ESRRG: variants seen among roughly 807,000 people sequenced by gnomAD.
The protein encoded by ESRRG is estrogen related receptor gamma, also known as estrogen-related receptor gamma.
Under a neutral mutation model 44.0 loss-of-function variants are expected in ESRRG, and 13 were observed. The ratio of observed to expected loss-of-function variants is 0.30; its 90% confidence interval spans 0.19 to 0.47. The LOEUF (loss-of-function observed/expected upper bound fraction) is 0.47. ESRRG is among the 20% of genes least tolerant of loss of function. The pLI, the probability that ESRRG is intolerant of heterozygous loss-of-function variation, is 1.00. For missense variants in ESRRG, 395 were observed against 580.6 expected, an observed-to-expected ratio of 0.68 and a Z score of 3.29; for synonymous variants, 215 against 214.6, an observed-to-expected ratio of 1.00 and a Z score of -0.02.
At chr1:217,099,233 G>A (rs1280877331) in intron 1 of ESRRG, among the ~76,000 whole-genome samples, 1 of 152,106 alleles carries the variant, frequency 6.6e-6, no homozygotes, top group African/African-American at 2.4e-5. Flanking sequence ...GCAAATGAAG[G>A]CATCTTCTTC....
intron 6 of ESRRG, among the ~76,000 whole-genome samples, chr1:216,508,382 G>A (rs1307004434): frequency 6.6e-6 from 1 of 152,022 alleles, no homozygotes; most frequent in Admixed American, 6.5e-5. Context: ...TTTACATTAG[G>A]TAGTTTAATG....
intron 2 of ESRRG, among the ~76,000 whole-genome samples, chr1:216,889,145 G>A (rs543632233): frequency 7.2e-5 from 11 of 152,266 alleles, no homozygotes; most frequent in African/African-American, 2.6e-4. Context: ...GTTTCCCTGC[G>A]AATGTAATAA....
At chr1:216,771,745 T>C (rs1282047788) in intron 2 of ESRRG, among the ~76,000 whole-genome samples, 1 of 152,084 alleles carries the variant, frequency 6.6e-6, no homozygotes, top group African/African-American at 2.4e-5. Flanking sequence ...GTGGTATTAT[T>C]TTTCCTGTGA....
intron 1 of ESRRG, among the ~76,000 whole-genome samples, chr1:216,990,535 G>A (rs1240097322): frequency 2.0e-5 from 3 of 151,742 alleles, no homozygotes; most frequent in Non-Finnish European, 4.4e-5. Flanking sequence ...ACTTGTATGC[G>A]GATTTTCTCC....
chr1:216,952,962 T>G (rs1000192465), intron 1 of ESRRG, among the ~76,000 whole-genome samples: 1 of 152,114 alleles, frequency 6.6e-6, no homozygotes, highest in African/African-American at 2.4e-5. Flanking sequence ...TCACTCACAT[T>G]GGGCCACTTC....
At chr1:216,610,997 G>A (rs755210678) in intron 3 of ESRRG, among the ~76,000 whole-genome samples, 1 of 151,956 alleles carries the variant, frequency 6.6e-6, no homozygotes, top group African/African-American at 2.4e-5. Context: ...GAGGTCAGGA[G>A]TTCGAGACTA....
At chr1:216,652,074 C>T (rs1302566276) in intron 2 of ESRRG, among the ~76,000 whole-genome samples, 1 of 152,074 alleles carries the variant, frequency 6.6e-6, no homozygotes, top group Non-Finnish European at 1.5e-5. Flanking sequence ...TGATTAAGTG[C>T]ATTAGTATCT....
intron 3 of ESRRG, among the ~76,000 whole-genome samples, chr1:216,576,991 C>G (rs1470611537): frequency 6.6e-6 from 1 of 151,852 alleles, no homozygotes; most frequent in Non-Finnish European, 1.5e-5. Flanking sequence ...AAGCCTCGAA[C>G]CTTTTATTTC....
At chr1:216,759,047 T>G (rs1481676531) in intron 2 of ESRRG, among the ~76,000 whole-genome samples, 1 of 152,096 alleles carries the variant, frequency 6.6e-6, no homozygotes, top group Non-Finnish European at 1.5e-5. Flanking sequence ...TAACTGGCTT[T>G]GAAGCATATG....
Position 216,591,607 on chromosome 1 carries a change from T to C in ESRRG, c.590-23509A>G, listed in dbSNP as rs191655480. Among the ~76,000 whole-genome samples the C allele has an allele frequency of 7.9e-4, 121 of 152,336 alleles. 2 individuals carry two copies. The South Asian group carries it at 8.7e-3, about 11-fold the overall frequency. On this transcript the variant is annotated intron_variant, in intron 3 of 6. Coordinates refer to ENST00000408911, the MANE Select transcript of ESRRG (RefSeq NM_001438.4). The stretch of plus-strand genomic sequence containing the variant: ...AAATAAATAAAGCTCCTGGGAGACA[T>C]GGCTGACACTGAGGTTGTGGCATGG...
chr1:216,886,184 G>A (rs911554546), intron 2 of ESRRG, among the ~76,000 whole-genome samples: 4 of 152,092 alleles, frequency 2.6e-5, no homozygotes, highest in Non-Finnish European at 5.9e-5. Context: ...CCCTGCTGCA[G>A]CCAACCTGAA....
At chr1:216,745,381 G>A (rs2091274449) in intron 2 of ESRRG, among the ~76,000 whole-genome samples, 1 of 152,120 alleles carries the variant, frequency 6.6e-6, no homozygotes, top group Admixed American at 6.5e-5. Context: ...CCCAAAGACA[G>A]GGTCTTGCTA....
At chr1:216,540,582 A>G (rs988934577) in intron 5 of ESRRG, among the ~76,000 whole-genome samples, 2 of 152,074 alleles carry the variant, frequency 1.3e-5, no homozygotes, top group Non-Finnish European at 2.9e-5. Context: ...TTTAATATAA[A>G]TAAATGTATT....
At chr1:216,771,586 G>T (rs1409634562) in intron 2 of ESRRG, among the ~76,000 whole-genome samples, 1 of 151,934 alleles carries the variant, frequency 6.6e-6, no homozygotes, top group Admixed American at 6.6e-5. Context: ...AAAGATTCCT[G>T]CCATGGGAAA....
At chr1:216,604,382 A>G (rs1463279500) in intron 3 of ESRRG, among the ~76,000 whole-genome samples, 1 of 152,202 alleles carries the variant, frequency 6.6e-6, no homozygotes, top group Non-Finnish European at 1.5e-5. Flanking sequence ...ATGGGGCTTC[A>G]TCTGAGAGTG....
upstream of ESRRG, among the ~76,000 whole-genome samples, chr1:216,727,127 C>T (rs184721928): frequency 2.0e-5 from 3 of 152,186 alleles, no homozygotes; most frequent in Admixed American, 6.5e-5. Context: ...ATTTTTGAAG[C>T]AGGTTTTTAT....
chr1:216,837,625 A>C (rs1015744194), intron 2 of ESRRG, among the ~76,000 whole-genome samples: 6 of 152,078 alleles, frequency 3.9e-5, no homozygotes, highest in African/African-American at 1.4e-4. Context: ...AGAATCTGAG[A>C]GAGTGGGCTG....
chr1:216,942,467 T>C (rs187177588), intron 1 of ESRRG, among the ~76,000 whole-genome samples: 1 of 152,296 alleles, frequency 6.6e-6, no homozygotes, highest in African/African-American at 2.4e-5. Context: ...AGTTCTGTTT[T>C]TAGTTATTTG....
intron 1 of ESRRG, among the ~76,000 whole-genome samples, chr1:216,973,682 T>C (rs2118148): frequency 0.49 from 73,684 of 151,828 alleles, 19,650 homozygotes; most frequent in East Asian, 0.73. Context: ...CAAAATTAGC[T>C]GGGTGTGGCG....
Sources: gnomAD v4.1 joint callset for allele counts (sites outside exome capture counted in the v4.1 genomes callset) on GRCh38, gnomAD v4.1.1 for gene constraint, MANE v1.5 for transcripts, NCBI Gene and HGNC (gene_info 2026-07-23, HGNC 2026-07-21) for gene names.